The following MCTP2 variants were observed in gnomAD, a reference collection of about 807,000 sequenced individuals.
The protein encoded by MCTP2 is multiple C2 and transmembrane domain containing 2.
Under a neutral mutation model 111.6 loss-of-function variants are expected in MCTP2, and 132 were observed. The observed-to-expected ratio is 1.18, with a 90% CI of 1.03 to 1.37. MCTP2 has a LOEUF of 1.37. Among genes scored for constraint, MCTP2 ranks in the 40% most tolerant of loss-of-function variants. The pLI, the probability that MCTP2 is intolerant of heterozygous loss-of-function variation, is 0.00. For synonymous variants in MCTP2, 395 were observed against 387.7 expected (o/e 1.02, Z -0.22); for missense variants, 1,183 against 1,067.9 (o/e 1.11, Z -1.50).
chr15:94,269,679 A>C (rs570814300), intron 1 of MCTP2, among the ~76,000 whole-genome samples: 1 of 152,324 alleles, frequency 6.6e-6, no homozygotes, highest in East Asian at 1.9e-4. Flanking sequence ...ATACATTTTA[A>C]TATAACCAAG....
At chr15:94,399,851 TC>T in intron 15 of MCTP2, 69 bp from the exon 16 acceptor site, 1 of 1,367,356 alleles carries the variant, frequency 7.3e-7, no homozygotes, top group Non-Finnish European at 1.0e-6. Flanking sequence ...ATTTTCCCAG[TC>T]ATTAAGAAAA....
intron 12 of MCTP2, among the ~76,000 whole-genome samples, chr15:94,376,822 G>A (rs920476513): frequency 6.6e-6 from 1 of 152,168 alleles, no homozygotes; most frequent in Non-Finnish European, 1.5e-5. Context: ...CTTCATGGTA[G>A]AGAAATTCTC....
At chr15:94,305,614 T>C (rs1455738129) in intron 2 of MCTP2, among the ~76,000 whole-genome samples, 1 of 152,230 alleles carries the variant, frequency 6.6e-6, no homozygotes, top group Non-Finnish European at 1.5e-5. Flanking sequence ...AATGTCATTT[T>C]TCTTCTTCTC....
At chr15:94,274,079 A>G (rs1297602829) in intron 1 of MCTP2, 1 of 171,436 alleles carries the variant, frequency 5.8e-6, no homozygotes, top group Non-Finnish European at 1.4e-5. Flanking sequence ...AGCTTATCAA[A>G]ATGTCTCTGG....
chr15:94,332,346 C>G (rs2077169656), intron 4 of MCTP2, among the ~76,000 whole-genome samples: 1 of 151,872 alleles, frequency 6.6e-6, no homozygotes, highest in Admixed American at 6.6e-5. Flanking sequence ...GATTCTTTTC[C>G]CAACAAAAAG....
At chr15:94,420,082 A>AGAATTCTGCTAAAT (rs2082553524) in intron 17 of MCTP2, among the ~76,000 whole-genome samples, 1 of 152,192 alleles carries the variant, frequency 6.6e-6, no homozygotes, top group Non-Finnish European at 1.5e-5. Context: ...AGGGCCCTTA[A>AGAATTCTGCTAAAT]GAATTCTGCT....
At chr15:94,416,457 T>C (rs181192984) in intron 17 of MCTP2, among the ~76,000 whole-genome samples, 7 of 152,262 alleles carry the variant, frequency 4.6e-5, no homozygotes, top group African/African-American at 1.7e-4. Flanking sequence ...AGAGCATTTC[T>C]GTAGTCTCTC....
chr15:94,308,426 C>G (rs760725472), intron 2 of MCTP2, among the ~76,000 whole-genome samples: 1 of 152,170 alleles, frequency 6.6e-6, no homozygotes. Context: ...GAAGCCCAAC[C>G]TAGAGTGCTC....
Position 94,479,232 on chromosome 15 carries a change from G to A in MCTP2, c.*198G>A, listed in dbSNP as rs1333862410. 12 of 605,842 alleles carry A rather than the reference G, an allele frequency of 2.0e-5. No individual in the cohort carries two copies. The highest frequency in any genetic ancestry group is 5.2e-5 in the Admixed American group (2 of 38,750). 37.5% of individuals were successfully genotyped at this position (605,842 alleles called of 1,614,324 possible). ...CCTCATGCATGGGTGTCCTAGTTGC[G>A]TAGAGGGTCAGCCCAGCGAAAAGCA... On this transcript the variant is annotated 3_prime_UTR_variant, in exon 23 of 23. Transcript: ENST00000357742.
At chr15:94,369,419 A>G (rs890665071) in intron 11 of MCTP2, among the ~76,000 whole-genome samples, 1 of 152,174 alleles carries the variant, frequency 6.6e-6, no homozygotes, top group African/African-American at 2.4e-5. Flanking sequence ...TCTTTCATGC[A>G]CAATTTCTTA....
intron 19 of MCTP2, among the ~76,000 whole-genome samples, chr15:94,456,924 C>T (rs1027982241): frequency 2.6e-5 from 4 of 152,156 alleles, no homozygotes; most frequent in African/African-American, 7.2e-5. Flanking sequence ...TGCTTTTACC[C>T]GCAATCCCTA....
At chr15:94,357,174 C>A (rs1299681973) in intron 9 of MCTP2, among the ~76,000 whole-genome samples, 1 of 152,090 alleles carries the variant, frequency 6.6e-6, no homozygotes, top group Non-Finnish European at 1.5e-5. Context: ...GCGCACTGCA[C>A]AATTTTCAGT....
At chr15:94,426,670 T>C (rs1437143924) in intron 17 of MCTP2, among the ~76,000 whole-genome samples, 2 of 152,202 alleles carry the variant, frequency 1.3e-5, no homozygotes, top group Admixed American at 1.3e-4. Flanking sequence ...ATTCTGGTTA[T>C]CTTTTTTCTT....
At chr15:94,243,350 CAT>C (rs1567251296) in intron 1 of MCTP2, among the ~76,000 whole-genome samples, 13 of 148,500 alleles carry the variant, frequency 8.8e-5, no homozygotes, top group African/African-American at 3.0e-4. Context: ...TATGTACATA[CAT>C]ACGTATGCGT....
In MCTP2 at chr15:94,239,577, T is replaced by G. The variant is rs539130854; in HGVS notation, c.-66+7913T>G. ...TCCCTCCCCTGTCTTCCTTATCTCC[T>G]ACTTTTTCTGACACTGTGCTATGTT... On this transcript the variant is annotated intron_variant, in intron 1 of 22. Transcript: ENST00000357742. Among the ~76,000 whole-genome samples the G allele has an allele frequency of 7.2e-5, 11 of 152,370 alleles. No individual in the cohort carries two copies. The South Asian group carries it at 2.1e-3, about 29-fold the overall frequency.
At chr15:94,276,316 A>C (rs1414493467) in intron 1 of MCTP2, among the ~76,000 whole-genome samples, 1 of 152,204 alleles carries the variant, frequency 6.6e-6, no homozygotes, top group Non-Finnish European at 1.5e-5. Flanking sequence ...AAAAATCTAT[A>C]CTTTTCTAAA....
intron 14 of MCTP2, among the ~76,000 whole-genome samples, chr15:94,392,841 A>AC (rs1056582441): frequency 9.9e-5 from 15 of 152,014 alleles, no homozygotes; most frequent in African/African-American, 1.9e-4. Context: ...AAACAAACAA[A>AC]AAAAAACAAA....
chr15:94,357,424 T>G (rs2078685826), intron 9 of MCTP2, among the ~76,000 whole-genome samples: 1 of 152,162 alleles, frequency 6.6e-6, no homozygotes, highest in Admixed American at 6.5e-5. Flanking sequence ...TTAGGAAAAA[T>G]TATTCATCAC....
intron 8 of MCTP2, among the ~76,000 whole-genome samples, chr15:94,354,934 C>A (rs2078531681): frequency 6.6e-6 from 1 of 152,194 alleles, no homozygotes; most frequent in Admixed American, 6.5e-5. Context: ...GTTAGAAATT[C>A]ATTGCTCGAC....
Sources: gnomAD v4.1 joint callset for allele counts (sites outside exome capture counted in the v4.1 genomes callset) on GRCh38, gnomAD v4.1.1 for gene constraint, MANE v1.5 for transcripts, NCBI Gene and HGNC (gene_info 2026-07-23, HGNC 2026-07-21) for gene names.